The following CAMK4 variants were observed in gnomAD, a reference collection of about 807,000 sequenced individuals.
The protein encoded by CAMK4 is calcium/calmodulin dependent protein kinase IV.
CAMK4 carries 22 observed loss-of-function variants against 44.9 expected under a neutral mutation model. That is an observed-to-expected ratio of 0.49 (90% confidence interval 0.35 to 0.70). CAMK4 has a LOEUF of 0.70. Among genes scored for constraint, CAMK4 ranks in the 30% least tolerant of loss-of-function variants. CAMK4 has a pLI of 0.01. For missense variants in CAMK4, 498 were observed against 586.8 expected (o/e 0.85, Z 1.56); for synonymous variants, 218 against 215.4 (o/e 1.01, Z -0.11).
chr5:111,354,282 G>A (rs1050548658), intron 2 of CAMK4, among the ~76,000 whole-genome samples: 3 of 152,120 alleles, frequency 2.0e-5, no homozygotes, highest in Non-Finnish European at 2.9e-5. Context: ...CAGGGATTGA[G>A]TGCAGGAGGA....
chr5:111,329,014 A>T (rs575358455), intron 1 of CAMK4, among the ~76,000 whole-genome samples: 1 of 152,078 alleles, frequency 6.6e-6, no homozygotes, highest in East Asian at 1.9e-4. Flanking sequence ...CAGCACATCA[A>T]AAAGCTTACC....
At chr5:111,372,650 T>A (rs572589449) in intron 2 of CAMK4, among the ~76,000 whole-genome samples, 1 of 152,284 alleles carries the variant, frequency 6.6e-6, no homozygotes, top group African/African-American at 2.4e-5. Flanking sequence ...CATTTGGGAC[T>A]TATTACGTGA....
At chr5:111,458,026 A>G (rs1198298677) in intron 7 of CAMK4, among the ~76,000 whole-genome samples, 3 of 152,162 alleles carry the variant, frequency 2.0e-5, no homozygotes, top group African/African-American at 7.2e-5. Context: ...CTTTTGGACA[A>G]TGGGAAAACG....
intron 1 of CAMK4, among the ~76,000 whole-genome samples, chr5:111,287,451 G>A (rs2112617566): frequency 6.6e-6 from 1 of 152,254 alleles, no homozygotes; most frequent in Middle Eastern, 3.4e-3. Flanking sequence ...ATGAAATCTT[G>A]AAAAATTTAG....
chr5:111,416,304 A>C (rs976773209), intron 5 of CAMK4, among the ~76,000 whole-genome samples: 20 of 152,154 alleles, frequency 1.3e-4, no homozygotes, highest in African/African-American at 3.6e-4. Context: ...AACCATTAAC[A>C]GTGGTTATTT....
At chr5:111,424,568 G>A (rs904916288) in intron 5 of CAMK4, among the ~76,000 whole-genome samples, 4 of 147,758 alleles carry the variant, frequency 2.7e-5, no homozygotes, top group Non-Finnish European at 6.0e-5. Context: ...CCTCAGCCTC[G>A]CGAATAGCTG....
chr5:111,238,397 G>C (rs758753837), intron 1 of CAMK4, among the ~76,000 whole-genome samples: 2 of 152,160 alleles, frequency 1.3e-5, no homozygotes, highest in Non-Finnish European at 2.9e-5. Context: ...TATTAAAAGA[G>C]TTGTGAGAGC....
chr5:111,319,013 G>A (rs1748549945), intron 1 of CAMK4, among the ~76,000 whole-genome samples: 1 of 151,990 alleles, frequency 6.6e-6, no homozygotes, highest in African/African-American at 2.4e-5. Context: ...TTATGATAGA[G>A]CTGGTAAGGA....
At chr5:111,337,421 C>T (rs1580613548) in intron 1 of CAMK4, among the ~76,000 whole-genome samples, 1 of 150,498 alleles carries the variant, frequency 6.6e-6, no homozygotes, top group East Asian at 2.0e-4. Flanking sequence ...AAAACATCGT[C>T]AAGCTGTTTT....
At chr5:111,335,676 A>G (rs1396236606) in intron 1 of CAMK4, among the ~76,000 whole-genome samples, 1 of 151,370 alleles carries the variant, frequency 6.6e-6, no homozygotes, top group African/African-American at 2.4e-5. Flanking sequence ...AAACATATTC[A>G]GGAAAATAAA....
chr5:111,443,835 T>C (rs1172037217), intron 5 of CAMK4, among the ~76,000 whole-genome samples: 1 of 152,176 alleles, frequency 6.6e-6, no homozygotes, highest in Non-Finnish European at 1.5e-5. Context: ...GAAAAATCAA[T>C]ATGTTCCGTT....
At chr5:111,389,631 A>T (rs906509445) in intron 4 of CAMK4, among the ~76,000 whole-genome samples, 2 of 152,212 alleles carry the variant, frequency 1.3e-5, no homozygotes, top group African/African-American at 4.8e-5. Context: ...ACTGCAAAGC[A>T]GCTGTGGTAA....
chr5:111,463,944 C>G (rs1240782314), intron 7 of CAMK4, among the ~76,000 whole-genome samples: 2 of 152,012 alleles, frequency 1.3e-5, no homozygotes, highest in Admixed American at 6.6e-5. Flanking sequence ...TTCTTTCACA[C>G]TCTCAAAAGA....
chr5:111,342,548 A>G (rs1486746521), intron 1 of CAMK4, among the ~76,000 whole-genome samples: 1 of 82,974 alleles, frequency 1.2e-5, no homozygotes, highest in Admixed American at 1.5e-4. Flanking sequence ...TACACAGCAT[A>G]TAGTTTGGTG....
chr5:111,349,300 C>T (rs867031257), intron 2 of CAMK4, among the ~76,000 whole-genome samples: 42 of 152,046 alleles, frequency 2.8e-4, no homozygotes, highest in African/African-American at 9.4e-4. Context: ...GTTTGTAAAG[C>T]ATGAATCAAG....
At chr5:111,325,913 A>C (rs1198055284) in intron 1 of CAMK4, among the ~76,000 whole-genome samples, 1 of 152,110 alleles carries the variant, frequency 6.6e-6, no homozygotes, top group African/African-American at 2.4e-5. Flanking sequence ...ATTTTCAACT[A>C]AATGATAATG....
chr5:111,315,119 G>A (rs918016871), intron 1 of CAMK4, among the ~76,000 whole-genome samples: 1 of 152,082 alleles, frequency 6.6e-6, no homozygotes, highest in Non-Finnish European at 1.5e-5. Context: ...TTTATTTGAA[G>A]TGTGTGTGCA....
At chr5:111,457,167 T>G (rs1349373886) in intron 7 of CAMK4, among the ~76,000 whole-genome samples, 1 of 152,160 alleles carries the variant, frequency 6.6e-6, no homozygotes, top group Non-Finnish European at 1.5e-5. Flanking sequence ...ACAGAAAAAA[T>G]GAAGGATATT....
intron 1 of CAMK4, among the ~76,000 whole-genome samples, chr5:111,269,317 C>A (rs545052076): frequency 3.7e-4 from 56 of 152,314 alleles, no homozygotes; most frequent in African/African-American, 1.3e-3. Flanking sequence ...CTTCAGTAAC[C>A]TATTTTGGAT....
Sources: allele counts gnomAD v4.1 joint callset (sites outside exome capture counted in the v4.1 genomes callset), GRCh38; gene constraint gnomAD v4.1.1; transcripts MANE v1.5; gene names NCBI Gene and HGNC (gene_info 2026-07-23, HGNC 2026-07-21).